The following TANC1 variants were observed in gnomAD, a reference collection of about 807,000 sequenced individuals.
TANC1 encodes the protein protein TANC1.
Under a neutral mutation model 149.7 loss-of-function variants are expected in TANC1, and 77 were observed. That is an observed-to-expected ratio of 0.51 (90% CI 0.43 to 0.62). The LOEUF (loss-of-function observed/expected upper bound fraction) is 0.62, where lower values mean the gene tolerates loss of function less well. Among genes scored for constraint, TANC1 ranks in the 20% least tolerant of loss-of-function variants. TANC1 has a pLI of 0.00. For missense variants in TANC1, 1,985 were observed against 2,321.8 expected (o/e 0.85, Z 2.98); for synonymous variants, 854 against 925.0 (o/e 0.92, Z 1.39).
intron 2 of TANC1, among the ~76,000 whole-genome samples, chr2:159,024,390 C>A (rs2039081907): frequency 6.6e-6 from 1 of 152,102 alleles, no homozygotes. Flanking sequence ...ACTCACTGAC[C>A]CACCCAGAGC....
chr2:159,062,991 A>AAAAAAAAAAAAAAAAAAAAAAAAG (rs1553534848), intron 2 of TANC1, among the ~76,000 whole-genome samples: 1 of 147,094 alleles, frequency 6.8e-6, no homozygotes, highest in Non-Finnish European at 1.5e-5. Context: ...AAAAAAAAAA[A>AAAAAAAAAAAAAAAAAAAAAAAAG]AAAAGAAAGC....
At chr2:159,205,506 T>C (rs1030648746) in intron 19 of TANC1, among the ~76,000 whole-genome samples, 5 of 152,250 alleles carry the variant, frequency 3.3e-5, no homozygotes, top group Non-Finnish European at 1.5e-5. Context: ...CTTTATTTTT[T>C]CTATGTTGCT....
chr2:159,077,903 T>G (rs1481220083), intron 3 of TANC1, among the ~76,000 whole-genome samples: 2 of 152,230 alleles, frequency 1.3e-5, no homozygotes, highest in African/African-American at 4.8e-5. Context: ...GTGGTAAGTT[T>G]ACAATTCCAC....
At chr2:159,130,803 C>T (rs1169098674) in intron 4 of TANC1, among the ~76,000 whole-genome samples, 1 of 152,178 alleles carries the variant, frequency 6.6e-6, no homozygotes, top group African/African-American at 2.4e-5. Flanking sequence ...AGGCAGTCCT[C>T]CCAAGTAGCT....
chr2:159,066,511 A>G (rs1227195805), intron 3 of TANC1, among the ~76,000 whole-genome samples: 1 of 152,202 alleles, frequency 6.6e-6, no homozygotes, highest in Non-Finnish European at 1.5e-5. Flanking sequence ...CTTTCCCAGA[A>G]ACTTTAAAGG....
At chr2:159,179,288 CT>C in intron 14 of TANC1, 125 bp downstream of exon 14, 1 of 1,301,640 alleles carries the variant, frequency 7.7e-7, no homozygotes, top group Non-Finnish European at 1.0e-6. Context: ...AGTGTTACTG[CT>C]TTGTTTTATT....
At chr2:159,110,321 C>T (rs1007887868) in intron 4 of TANC1, among the ~76,000 whole-genome samples, 7 of 152,190 alleles carry the variant, frequency 4.6e-5, no homozygotes, top group Non-Finnish European at 1.0e-4. Flanking sequence ...CACTGGAGGC[C>T]TTGGTATATA....
intron 8 of TANC1, among the ~76,000 whole-genome samples, chr2:159,167,212 C>A (rs977050039): frequency 1.3e-5 from 2 of 152,204 alleles, no homozygotes; most frequent in Non-Finnish European, 1.5e-5. Context: ...CATGACTGTT[C>A]TGGCTCTGAA....
At chr2:159,069,769 T>C (rs1376321673) in intron 3 of TANC1, among the ~76,000 whole-genome samples, 3 of 137,502 alleles carry the variant, frequency 2.2e-5, no homozygotes, top group Non-Finnish European at 4.6e-5. Context: ...TGCAAGCTTT[T>C]TTTTTTTTTT....
Position 159,231,808 on chromosome 2 carries a change from T to C in TANC1, c.*796T>C, listed in dbSNP as rs2060343355. On this transcript the variant is annotated 3_prime_UTR_variant, in exon 27 of 27. Transcript: ENST00000263635. Reference sequence around the variant, plus strand: ...CTTATAAATTAGCTCTCACCTGGTTTCCAAACTGCTTTTAACAATGGTAGT... The same window carrying C: ...CTTATAAATTAGCTCTCACCTGGTTCCCAAACTGCTTTTAACAATGGTAGT... 6.6e-6 allele frequency: 1 copy of C among 152,186 alleles called. No individual in the cohort carries two copies. The highest frequency in any genetic ancestry group is 6.5e-5 in the Admixed American group (1 of 15,280). 9.4% of individuals were successfully genotyped at this position (152,186 alleles called of 1,614,324 possible). A position where few individuals can be genotyped will look rare whatever the true frequency, so the allele number is the denominator to read the frequency against.
At chr2:159,074,189 A>G (rs574169925) in intron 3 of TANC1, among the ~76,000 whole-genome samples, 5 of 152,290 alleles carry the variant, frequency 3.3e-5, no homozygotes, top group South Asian at 2.1e-4. Flanking sequence ...TTCTTGTCCT[A>G]TGTTCTGGTG....
chr2:159,150,753 C>A (rs1207034111), intron 7 of TANC1, 197 bp downstream of exon 7: 5 of 499,132 alleles, frequency 1.0e-5, no homozygotes, highest in East Asian at 3.3e-5. Flanking sequence ...TTGATGTTTA[C>A]TTTATAACAG....
chr2:159,143,111 A>G (rs1203326420), intron 5 of TANC1, among the ~76,000 whole-genome samples: 1 of 143,550 alleles, frequency 7.0e-6, no homozygotes, highest in Non-Finnish European at 1.6e-5. Flanking sequence ...ACAAAAAACC[A>G]ACTCTGACAG....
chr2:159,007,078 T>C (rs1391791974), intron 2 of TANC1, among the ~76,000 whole-genome samples: 1 of 151,598 alleles, frequency 6.6e-6, no homozygotes, highest in Non-Finnish European at 1.5e-5. Flanking sequence ...ACAATGGTGG[T>C]CCCATAAGTT....
chr2:159,118,505 C>T (rs2048527984), intron 4 of TANC1, among the ~76,000 whole-genome samples: 1 of 152,172 alleles, frequency 6.6e-6, no homozygotes, highest in Non-Finnish European at 1.5e-5. Context: ...TTCTGCCCCA[C>T]TTTGTTGCCT....
intron 2 of TANC1, among the ~76,000 whole-genome samples, chr2:159,043,044 G>T (rs1284586924): frequency 6.6e-6 from 1 of 152,212 alleles, no homozygotes; most frequent in Non-Finnish European, 1.5e-5. Context: ...GTGCTTCTCA[G>T]TTGATGTCCT....
At chr2:159,102,680 A>G (rs138677970) in intron 4 of TANC1, among the ~76,000 whole-genome samples, 838 of 67,860 alleles carry the variant, frequency 0.012, 75 homozygotes, top group African/African-American at 0.041. Context: ...TTTATAATTG[A>G]TTTTTAAACA....
Position 159,229,606 on chromosome 2 carries a change from C to A in TANC1, c.4180C>A (p.Gln1394Lys), listed in dbSNP as rs768431679. Reference sequence around the variant, plus strand: ...ATTCGTGGCAGCTCTGGCTGACCTGCAAGAGGCTGTGAAACTCTGTCCCAC... The same window carrying A: ...ATTCGTGGCAGCTCTGGCTGACCTGAAAGAGGCTGTGAAACTCTGTCCCAC... ...RQFVAALADLQEAVKLCPTNQ... is the reference protein window; with the variant it reads ...RQFVAALADLKEAVKLCPTNQ... The change falls in exon 27 of 27, where the codon CAA becomes AAA. Residue 1394 changes from glutamine to lysine, a missense_variant. Transcript: ENST00000263635. 1.8e-5 allele frequency: 29 copies of A among 1,613,592 alleles called. No individual in the cohort carries two copies. The highest frequency in any genetic ancestry group is 2.4e-5 in the Non-Finnish European group (28 of 1,179,924).
At chr2:159,214,646 C>T (rs1372604598) in intron 19 of TANC1, among the ~76,000 whole-genome samples, 1 of 152,204 alleles carries the variant, frequency 6.6e-6, no homozygotes, top group Non-Finnish European at 1.5e-5. Flanking sequence ...GTTGTTACGC[C>T]TCTTGGAAAA....
Sources: allele counts gnomAD v4.1 joint callset (sites outside exome capture counted in the v4.1 genomes callset), GRCh38; gene constraint gnomAD v4.1.1; transcripts MANE v1.5; gene names NCBI Gene and HGNC (gene_info 2026-07-23, HGNC 2026-07-21).